The following DLGAP3 variants were observed in gnomAD, a reference collection of about 807,000 sequenced individuals.
DLGAP3 encodes the protein disks large-associated protein 3.
DLGAP3 carries 17 observed loss-of-function variants against 81.2 expected under a neutral mutation model. That is an observed-to-expected ratio of 0.21 (90% CI 0.14 to 0.31). The LOEUF (loss-of-function observed/expected upper bound fraction) is 0.31. DLGAP3 is among the 10% of genes least tolerant of loss of function. DLGAP3 has a pLI of 1.00. For synonymous variants in DLGAP3, 577 were observed against 587.4 expected, an observed-to-expected ratio of 0.98 and a Z score of 0.26; for missense variants, 1,124 against 1,388.0, an observed-to-expected ratio of 0.81 and a Z score of 3.02.
intron 8 of DLGAP3, among the ~76,000 whole-genome samples, chr1:34,875,660 T>C (rs1434037953): frequency 6.6e-6 from 1 of 152,184 alleles, no homozygotes; most frequent in East Asian, 1.9e-4. Flanking sequence ...AGAGGGCCCC[T>C]TGCTAATATT....
At chr1:34,880,984 G>T (rs1234065378) in intron 8 of DLGAP3, among the ~76,000 whole-genome samples, 1 of 152,016 alleles carries the variant, frequency 6.6e-6, no homozygotes, top group Non-Finnish European at 1.5e-5. Context: ...CAAACCTAAA[G>T]AATAGATAAG....
At position 34,900,039 on chromosome 1, in the gene DLGAP3, C is replaced by T. The variant is rs770507414; in HGVS notation, c.1313+29G>A. Reference sequence around the variant, plus strand: ...GGAGTCCAGCATCAGCCTCCTGACCCCGCACCCCCCGGCCCTCCCTGTCCT... The same window carrying T: ...GGAGTCCAGCATCAGCCTCCTGACCTCGCACCCCCCGGCCCTCCCTGTCCT... On this transcript the variant is annotated intron_variant, in intron 4 of 11. Coordinates refer to ENST00000373347, the MANE Select transcript of DLGAP3 (RefSeq NM_001080418.3). The surrounding 1 kb of genome is among the most constrained non-coding windows in gnomAD (Gnocchi z 5.6). 1.3e-6 allele frequency: 2 copies of T among 1,598,382 alleles called. No homozygotes were observed. The highest frequency in any genetic ancestry group is 3.3e-5 in the Admixed American group (2 of 59,822).
Position 34,885,664 on chromosome 1 carries a change from G to C in DLGAP3, c.1728C>G (p.Ala576=). The C allele has an allele frequency of 7.1e-7, 1 of 1,416,882 alleles. No individual in the cohort carries two copies. The highest frequency in any genetic ancestry group is 9.1e-7 in the Non-Finnish European group (1 of 1,094,518). 87.8% of individuals were successfully genotyped at this position (1,416,882 alleles called of 1,614,324 possible). ...GCCCGTCGGCGGAGCTGCAGCGCCG[G>C]GCGGGGCCCTCGGCCGCCGTGAAGC... ...HESFTAAEGP[A]RRCSSADGLD... Residue 576 remains alanine, a synonymous_variant, in exon 7 of 12, where the codon GCC becomes GCG. Transcript: ENST00000373347.
intron 2 of DLGAP3, among the ~76,000 whole-genome samples, chr1:34,906,310 C>T (rs1639556027): frequency 6.6e-6 from 1 of 151,808 alleles, no homozygotes; most frequent in Non-Finnish European, 1.5e-5. Context: ...GATCCACAGC[C>T]ACATCTCTAC....
intron 5 of DLGAP3, among the ~76,000 whole-genome samples, chr1:34,896,960 C>A (rs1639388567): frequency 6.6e-6 from 1 of 151,952 alleles, no homozygotes; most frequent in Admixed American, 6.6e-5. Flanking sequence ...TCTGTAATCA[C>A]AATAAATATA....
At chr1:34,885,856 G>C in intron 6 of DLGAP3, 65 bp from the exon 7 acceptor site, 1 of 1,313,022 alleles carries the variant, frequency 7.6e-7, no homozygotes, top group South Asian at 1.6e-5. Flanking sequence ...TCCTGGGCCC[G>C]CGCCCGACTC....
At position 34,887,852 on chromosome 1, in the gene DLGAP3, G is replaced by C. The variant is rs569895472; in HGVS notation, c.1387-1567C>G. Among the ~76,000 whole-genome samples the C allele has an allele frequency of 5.9e-5, 9 of 152,340 alleles. No homozygotes were observed. In the South Asian group the frequency reaches 1.7e-3, roughly 28 times the overall value. On this transcript the variant is annotated intron_variant, in intron 5 of 11. Coordinates refer to ENST00000373347, the MANE Select transcript of DLGAP3 (RefSeq NM_001080418.3). ...ATGGTACCATCTTCATAGGGCTATT[G>C]AGGGGACTGAAAGAAAAACATGTGA...
At position 34,895,917 on chromosome 1, in the gene DLGAP3, TACAC is replaced by T. The variant is rs34456104; in HGVS notation, c.1386+3748_1386+3751del. 0.016 allele frequency among the ~76,000 whole-genome samples: 2,368 copies of T among 144,466 alleles called. 44 individuals are homozygous for T. Among genetic ancestry groups the T allele is most frequent in the African/African-American group, 0.036 (1,380 of 38,222 alleles). The allele number at this position is 144,466 out of a possible 152,430, so 94.8% of individuals were successfully genotyped here. On this transcript the variant is annotated intron_variant, in intron 5 of 11. Transcript: ENST00000373347. This position sits in a 1 kb window ranked among gnomAD's most constrained non-coding sequence, Gnocchi z 4.5. ...CTGGACCCCTAACTTGAATCACACA[TACAC>T]ACACACACACACACACACACACACA...
At chr1:34,916,651 ATTTTATTTTATTTTATTTTATT>A (rs1557502061) in intron 1 of DLGAP3, among the ~76,000 whole-genome samples, 1 of 504 alleles carries the variant, frequency 2.0e-3, no homozygotes, top group African/African-American at 2.5e-3. Context: ...TTTATTTTTT[ATTTTATTTTATTTTATTTTATT>A]TTATTTTATT....
chr1:34,881,527 C>A (rs1448263674), intron 8 of DLGAP3, among the ~76,000 whole-genome samples: 1 of 152,110 alleles, frequency 6.6e-6, no homozygotes, highest in Non-Finnish European at 1.5e-5. Flanking sequence ...ACTTAAGGTC[C>A]CTAGACATGA....
At chr1:34,926,169 G>A (rs555437069) in intron 1 of DLGAP3, among the ~76,000 whole-genome samples, 3 of 152,190 alleles carry the variant, frequency 2.0e-5, no homozygotes, top group East Asian at 3.9e-4. Context: ...CAGCCTCCCC[G>A]CAGCTCTCCA....
intron 1 of DLGAP3, among the ~76,000 whole-genome samples, chr1:34,915,109 C>A (rs1175554106): frequency 6.6e-6 from 1 of 152,186 alleles, no homozygotes; most frequent in African/African-American, 2.4e-5. Context: ...CAATCATCCA[C>A]CTCCATCCAT....
intron 1 of DLGAP3, among the ~76,000 whole-genome samples, chr1:34,927,269 G>A (rs1339327938): frequency 6.6e-6 from 1 of 152,184 alleles, no homozygotes; most frequent in Non-Finnish European, 1.5e-5. Flanking sequence ...GGTGGGGAGA[G>A]TTCAGGAATA....
chr1:34,912,441 C>A (rs1218735962), intron 1 of DLGAP3, among the ~76,000 whole-genome samples: 1 of 152,150 alleles, frequency 6.6e-6, no homozygotes, highest in Non-Finnish European at 1.5e-5. Context: ...CAAATTTTAG[C>A]CAATTCACTC....
intron 1 of DLGAP3, among the ~76,000 whole-genome samples, chr1:34,909,790 A>T (rs999866210): frequency 1.4e-4 from 22 of 152,196 alleles, no homozygotes; most frequent in African/African-American, 5.3e-4. Context: ...AGGGACTAAT[A>T]ATTCAATCCA....
rs1638864630 is a variant in DLGAP3, at chr1:34,865,806, GGGA to G, written c.*274_*276del. ...AAGAATGGCAGAGATGGTGCCCATG[GGGA>G]GGAGGTGGGGACAAAGCGTCGGACC... On this transcript the variant is annotated 3_prime_UTR_variant, in exon 12 of 12. Transcript: ENST00000373347. 1 of 539,412 alleles carries G rather than the reference GGGA, an allele frequency of 1.9e-6. No individual in the cohort carries two copies. Among genetic ancestry groups the G allele is most frequent in the African/African-American group, 2.0e-5 (1 of 49,464 alleles). The allele number at this position is 539,412 out of a possible 1,614,324, so 33.4% of individuals were successfully genotyped here.
intron 8 of DLGAP3, among the ~76,000 whole-genome samples, chr1:34,876,929 C>T (rs1639067563): frequency 6.6e-6 from 1 of 152,192 alleles, no homozygotes; most frequent in Non-Finnish European, 1.5e-5. Flanking sequence ...GACCACTGAT[C>T]AATAGAGTAG....
At chr1:34,866,621 A>G (rs1638884567) in intron 11 of DLGAP3, among the ~76,000 whole-genome samples, 1 of 152,136 alleles carries the variant, frequency 6.6e-6, no homozygotes, top group South Asian at 2.1e-4. Context: ...CTCCGCAATG[A>G]GGGTGCACAT....
At chr1:34,880,734 T>G (rs879854018) in intron 8 of DLGAP3, among the ~76,000 whole-genome samples, 3 of 151,846 alleles carry the variant, frequency 2.0e-5, no homozygotes, top group East Asian at 1.9e-4. Context: ...AATATAGAGA[T>G]GCAATAAATA....
Sources: gnomAD v4.1 joint callset for allele counts (sites outside exome capture counted in the v4.1 genomes callset) on GRCh38, gnomAD v4.1.1 for gene constraint, Gnocchi (gnomAD v3.1) non-coding constraint, MANE v1.5 for transcripts, NCBI Gene and HGNC (gene_info 2026-07-23, HGNC 2026-07-21) for gene names.